Variants in ERAP1 observed in about 807,000 individuals in gnomAD.
ERAP1 encodes endoplasmic reticulum aminopeptidase 1, also known as adipocyte-derived leucine aminopeptidase.
ERAP1 carries 86 observed loss-of-function variants against 103.7 expected under a neutral mutation model. The ratio of observed to expected loss-of-function variants is 0.83; its 90% CI spans 0.70 to 0.99. The LOEUF is 0.99. Among genes scored for constraint, ERAP1 ranks in the 50% least tolerant of loss-of-function variants. The probability of loss-of-function intolerance (pLI) is 0.00; values close to 1 mark genes in which losing one functional copy is unlikely to be tolerated. For synonymous variants in ERAP1, 398 were observed against 402.4 expected (o/e 0.99, Z 0.13); for missense variants, 1,009 against 1,128.4 (o/e 0.89, Z 1.52).
At chr5:96,890,755 T>C in the ERAP1 span, among the ~76,000 whole-genome samples, 1 of 152,218 alleles carries the variant, frequency 6.6e-6, no homozygotes, top group African/African-American at 2.4e-5. Context: ...ATTTCGATAG[T>C]TCCTGAGTCT....
the ERAP1 span, among the ~76,000 whole-genome samples, chr5:96,834,787 T>TCC: frequency 1.3e-5 from 2 of 152,220 alleles, no homozygotes; most frequent in Non-Finnish European, 2.9e-5. Flanking sequence ...TATTACTAAA[T>TCC]CATAATTGCA....
the ERAP1 span, among the ~76,000 whole-genome samples, chr5:96,916,920 C>T: frequency 1.3e-5 from 2 of 152,172 alleles, no homozygotes; most frequent in Middle Eastern, 3.4e-3. Flanking sequence ...CTTCTTTAGC[C>T]ACATTGTGGT....
At chr5:96,821,890 G>A in the ERAP1 span, among the ~76,000 whole-genome samples, 1 of 152,204 alleles carries the variant, frequency 6.6e-6, no homozygotes, top group East Asian at 1.9e-4. Context: ...ATAGAGACTT[G>A]TTGGTGGAAA....
chr5:96,880,345 G>A, the ERAP1 span: 1 of 1,234,826 alleles, frequency 8.1e-7, no homozygotes, highest in Admixed American at 2.7e-5. Context: ...GACTTCAGCA[G>A]CCATTTATGA....
chr5:96,848,599 G>C, the ERAP1 span: 1 of 152,060 alleles, frequency 6.6e-6, no homozygotes, highest in Admixed American at 6.6e-5. Flanking sequence ...TAAAATATCT[G>C]AATAGACCAA....
chr5:96,807,716 C>G (rs1455505717), intron 1 of ERAP1, 144 bp downstream of exon 1: 2 of 518,948 alleles, frequency 3.9e-6, no homozygotes, highest in African/African-American at 2.0e-5. Context: ...CCTCCCGCGC[C>G]CCGTCTCCCT....
At chr5:96,820,599 GCTA>G in the ERAP1 span, among the ~76,000 whole-genome samples, 1 of 151,818 alleles carries the variant, frequency 6.6e-6, no homozygotes. Flanking sequence ...CTATAAAATT[GCTA>G]CTAATTCTGA....
At chr5:96,832,795 T>C in the ERAP1 span, among the ~76,000 whole-genome samples, 1 of 152,244 alleles carries the variant, frequency 6.6e-6, no homozygotes, top group South Asian at 2.1e-4. Context: ...TCCACACTGC[T>C]TGAATTGCAT....
At chr5:96,836,872 T>C in the ERAP1 span, among the ~76,000 whole-genome samples, 1 of 152,230 alleles carries the variant, frequency 6.6e-6, no homozygotes, top group African/African-American at 2.4e-5. Context: ...TTTTGATTAA[T>C]TGGGTATCAA....
chr5:96,842,950 A>T, the ERAP1 span, among the ~76,000 whole-genome samples: 2 of 152,130 alleles, frequency 1.3e-5, no homozygotes, highest in African/African-American at 4.8e-5. Context: ...TCTTGAGTTG[A>T]ATTTTGTATA....
At chr5:96,872,851 T>G in the ERAP1 span, among the ~76,000 whole-genome samples, 2 of 152,208 alleles carry the variant, frequency 1.3e-5, no homozygotes, top group Non-Finnish European at 2.9e-5. Flanking sequence ...GATTTAAATC[T>G]GTTGAGAACA....
At chr5:96,783,616 A>T (rs936894102) in intron 14 of ERAP1, among the ~76,000 whole-genome samples, 2 of 152,180 alleles carry the variant, frequency 1.3e-5, no homozygotes, top group Admixed American at 1.3e-4. Context: ...AGTCCCAGAA[A>T]ATCTGAACGT....
At chr5:96,767,707 TTA>T (rs1491212263) in intron 19 of ERAP1, among the ~76,000 whole-genome samples, 1 of 152,178 alleles carries the variant, frequency 6.6e-6, no homozygotes, top group Non-Finnish European at 1.5e-5. Context: ...GCAACGTGTA[TTA>T]AAGAGTAGAT....
At chr5:96,859,510 T>G in the ERAP1 span, among the ~76,000 whole-genome samples, 1 of 151,926 alleles carries the variant, frequency 6.6e-6, no homozygotes, top group South Asian at 2.1e-4. Flanking sequence ...GCTTGTATCT[T>G]TCCAGAATTG....
intron 17 of ERAP1, 58 bp from the exon 18 acceptor site, chr5:96,780,562 T>C: frequency 7.8e-7 from 1 of 1,289,814 alleles, no homozygotes; most frequent in Non-Finnish European, 1.1e-6. Flanking sequence ...TAACATATAT[T>C]TTAAGGGCCT....
Position 96,790,558 on chromosome 5 carries a change from C to A in ERAP1, c.1406G>T (p.Ser469Ile). 6.2e-7 allele frequency: 1 copy of A among 1,613,868 alleles called. No individual in the cohort carries two copies. Among genetic ancestry groups the A allele is most frequent in the African/African-American group, 1.3e-5 (1 of 75,030 alleles). Residue 469 changes from serine to isoleucine, a missense_variant, in exon 9 of 19, where the codon AGC becomes ATC. By Grantham distance (142) the Ser-to-Ile change is moderately radical (BLOSUM62 -2). Coordinates refer to ENST00000443439, the MANE Select transcript of ERAP1 (RefSeq NM_001040458.3). Reference protein sequence around the residue: ...SGIVQYLQKHSYKNTKNEDLW... With the variant: ...SGIVQYLQKHIYKNTKNEDLW... ...GTCCTCGTTTTTTGTATTTTTATAGCTATGCTTCTGGAGATACTGTACAAT... is the reference window on the plus strand; with the variant it reads ...GTCCTCGTTTTTTGTATTTTTATAGATATGCTTCTGGAGATACTGTACAAT...
Position 96,774,811 on chromosome 5 carries a change from TA to T in ERAP1, c.*1584del. The T allele has an allele frequency of 1.0e-6, 1 of 985,100 alleles. No individual in the cohort carries two copies. The highest frequency in any genetic ancestry group is 1.2e-6 in the Non-Finnish European group (1 of 829,470). 61.0% of individuals were successfully genotyped at this position (985,100 alleles called of 1,614,324 possible). A position where few individuals can be genotyped will look rare whatever the true frequency, so the allele number is the denominator to read the frequency against. ...TATAAAAATTCCAATTCCACTTTTA[TA>T]CCTATTTATTTGTTGTAGTGAATGG... On this transcript the variant is annotated 3_prime_UTR_variant, in exon 19 of 19. Coordinates refer to ENST00000443439, the MANE Select transcript of ERAP1 (RefSeq NM_001040458.3).
the ERAP1 span, chr5:96,873,621 G>T: frequency 5.5e-6 from 2 of 366,096 alleles, no homozygotes; most frequent in African/African-American, 4.2e-5. Context: ...GGCTCATCCA[G>T]AAGTGGAAAG....
In ERAP1 at chr5:96,793,803, C is replaced by T. The variant is rs201397000; in HGVS notation, c.1074G>A (p.Gln358=). 1.9e-4 allele frequency: 309 copies of T among 1,612,606 alleles called. No individual in the cohort carries two copies. Among genetic ancestry groups the T allele is most frequent in the Non-Finnish European group, 2.5e-4 (291 of 1,178,962 alleles). ...TMTVAHELAH[Q]WFGNLVTMEW... ...ATTAAAAGTGTGAATGAGCTTATAC[C>T]TGGTGAGCCAGTTCATGGGCCACAG... The change falls in exon 6 of 19, where the codon CAG becomes CAA. Residue 358 remains glutamine (Q), a splice_region_variant and synonymous_variant. Coordinates refer to ENST00000443439, the MANE Select transcript of ERAP1 (RefSeq NM_001040458.3).
Sources: gnomAD v4.1 joint callset for allele counts (sites outside exome capture counted in the v4.1 genomes callset) on GRCh38, gnomAD v4.1.1 for gene constraint, MANE v1.5 for transcripts, NCBI Gene and HGNC (gene_info 2026-07-23, HGNC 2026-07-21) for gene names.